BEAN1: variants seen among roughly 807,000 people sequenced by gnomAD.
The protein encoded by BEAN1 is brain expressed associated with NEDD4 1, also known as protein BEAN1.
In BEAN1, 17 loss-of-function variants were observed where a neutral mutation model predicts 17.7. The ratio of observed to expected loss-of-function variants is 0.96; its 90% CI spans 0.66 to 1.44. The LOEUF (loss-of-function observed/expected upper bound fraction) is 1.44, where lower values mean the gene tolerates loss of function less well. Among genes scored for constraint, BEAN1 ranks in the 40% most tolerant of loss-of-function variants. The probability of loss-of-function intolerance (pLI) is 0.00; values close to 1 mark genes in which losing one functional copy is unlikely to be tolerated. For synonymous variants in BEAN1, 142 were observed against 151.8 expected, an observed-to-expected ratio of 0.94 and a Z score of 0.47; for missense variants, 359 against 374.1, an observed-to-expected ratio of 0.96 and a Z score of 0.33.
downstream of BEAN1, chr16:66,484,600 G>T (rs1252428575): frequency 2.2e-6 from 1 of 454,124 alleles, no homozygotes; most frequent in Non-Finnish European, 4.4e-6. The surrounding 1 kb of genome is among the most constrained non-coding windows in gnomAD (Gnocchi z 4.2). Flanking sequence ...GGAGACAGGG[G>T]CCCCAGGGCC....
intron 3 of BEAN1, among the ~76,000 whole-genome samples, chr16:66,472,820 G>A (rs1963534082): frequency 6.6e-6 from 1 of 152,122 alleles, no homozygotes; most frequent in Non-Finnish European, 1.5e-5. Context: ...AGGAGTTTGA[G>A]ACCAGCCTGG....
chr16:66,468,718 C>T (rs1271374253), intron 2 of BEAN1, among the ~76,000 whole-genome samples: 3 of 152,212 alleles, frequency 2.0e-5, no homozygotes. Context: ...CACTCCAAGA[C>T]ACTCACTAAT....
intron 2 of BEAN1, among the ~76,000 whole-genome samples, chr16:66,457,145 C>T (rs1406409384): frequency 6.6e-6 from 1 of 152,106 alleles, no homozygotes; most frequent in African/African-American, 2.4e-5. Flanking sequence ...ATTTGTGTTC[C>T]CAGTGTCTAG....
intron 1 of BEAN1, among the ~76,000 whole-genome samples, chr16:66,437,357 TCCCCACCACC>T (rs1330804561): frequency 6.6e-6 from 1 of 151,830 alleles, no homozygotes; most frequent in Non-Finnish European, 1.5e-5. Context: ...AGATATCTCC[TCCCCACCACC>T]CCCCACCACT....
intron 2 of BEAN1, among the ~76,000 whole-genome samples, chr16:66,456,693 G>A (rs1962880203): frequency 6.6e-6 from 1 of 152,180 alleles, no homozygotes; most frequent in Admixed American, 6.5e-5. Flanking sequence ...TGCAGAAATA[G>A]GGAAAAGTAA....
At chr16:66,490,671 C>G (rs8049640) in intron 4 of BEAN1, among the ~76,000 whole-genome samples, 38,951 of 151,888 alleles carry the variant, frequency 0.26, 7,329 homozygotes, top group African/African-American at 0.52. Flanking sequence ...CTGCAGCCAG[C>G]AGCACTCAAG....
At chr16:66,440,123 CTTTTTTTTTTTTT>C (rs386384954) in intron 2 of BEAN1, among the ~76,000 whole-genome samples, 1 of 75,374 alleles carries the variant, frequency 1.3e-5, no homozygotes, top group African/African-American at 5.6e-5. Context: ...TTGGGTACTT[CTTTTTTTTTTTTT>C]TTTTTTTTTT....
chr16:66,454,725 C>G lies in BEAN1; in HGVS notation c.26-14877C>G, dbSNP rs986127195. Among the ~76,000 whole-genome samples the G allele has an allele frequency of 5.4e-3, 380 of 70,354 alleles. 3 individuals are homozygous for G. Among genetic ancestry groups the G allele is most frequent in the African/African-American group, 0.022 (369 of 16,420 alleles). 46.2% of individuals were successfully genotyped at this position (70,354 alleles called of 152,430 possible). On this transcript the variant is annotated intron_variant, in intron 2 of 4. Transcript: ENST00000536005. ...CCATGCATACATCTTCCTTTTCTTTCTTTCTTTTTTTTTTTTTTTTTTTTG... is the reference window on the plus strand; with the variant it reads ...CCATGCATACATCTTCCTTTTCTTTGTTTCTTTTTTTTTTTTTTTTTTTTG...
chr16:66,471,506 G>C lies in BEAN1; in HGVS notation c.289+1641G>C, dbSNP rs1963483057. Among the ~76,000 whole-genome samples, 1 of 152,238 alleles carries C rather than the reference G, an allele frequency of 6.6e-6. No homozygotes were observed. The highest frequency in any genetic ancestry group is 1.5e-5 in the Non-Finnish European group (1 of 68,034). On this transcript the variant is annotated intron_variant, in intron 3 of 4. Coordinates refer to ENST00000536005, the MANE Select transcript of BEAN1 (RefSeq NM_001178020.3). The surrounding 1 kb of genome is among the most constrained non-coding windows in gnomAD (Gnocchi z 4.7). ...CGTGGGCTCAAGGCAGTGTCCGGCA[G>C]ACACGTACATGGCCACAGTGGGTGT...
intron 2 of BEAN1, among the ~76,000 whole-genome samples, chr16:66,466,887 G>A (rs2142425944): frequency 6.6e-6 from 1 of 152,284 alleles, no homozygotes; most frequent in East Asian, 1.9e-4. Context: ...ACAAGTTTTA[G>A]TGTGATGTCA....
chr16:66,486,447 G>T (rs766435409), downstream of BEAN1, among the ~76,000 whole-genome samples: 37 of 152,258 alleles, frequency 2.4e-4, no homozygotes, highest in African/African-American at 7.0e-4. Flanking sequence ...TAGAGACGGG[G>T]TCTCACCATG....
downstream of BEAN1, among the ~76,000 whole-genome samples, chr16:66,487,525 G>A (rs1002930294): frequency 6.6e-6 from 1 of 152,156 alleles, no homozygotes; most frequent in African/African-American, 2.4e-5. Flanking sequence ...CTTGATGACA[G>A]TAAGTGCTGA....
rs578060862 is a variant in BEAN1 at position 66,445,653 on chromosome 16, G to A, written c.25+7952G>A. 5.1e-4 allele frequency among the ~76,000 whole-genome samples: 77 copies of A among 152,230 alleles called. No homozygotes were observed. In the East Asian group the frequency reaches 8.3e-3, roughly 16 times the overall value. Reference sequence around the variant, plus strand: ...GGCAGAGGATTCTGAATCAGGAGCAGGTTTGGCTTGATCCATCAACAGCAT... The same window carrying A: ...GGCAGAGGATTCTGAATCAGGAGCAAGTTTGGCTTGATCCATCAACAGCAT... On this transcript the variant is annotated intron_variant, in intron 2 of 4. Transcript: ENST00000536005.
chr16:66,492,807 C>T (rs893108016), intron 4 of BEAN1, among the ~76,000 whole-genome samples: 6 of 152,126 alleles, frequency 3.9e-5, no homozygotes, highest in African/African-American at 1.2e-4. Flanking sequence ...TGATCATGGG[C>T]CAGGCTTTCC....
chr16:66,490,843 T>A (rs1163935339), intron 4 of BEAN1, among the ~76,000 whole-genome samples: 1 of 152,208 alleles, frequency 6.6e-6, no homozygotes, highest in Non-Finnish European at 1.5e-5. Context: ...CCCTCCAATC[T>A]CAGCTTTTCA....
chr16:66,467,164 CA>C (rs1172366970), intron 2 of BEAN1, among the ~76,000 whole-genome samples: 2 of 152,174 alleles, frequency 1.3e-5, no homozygotes, highest in Non-Finnish European at 2.9e-5. Flanking sequence ...TCAAGGCTGA[CA>C]TGTTCTTACG....
intron 4 of BEAN1, among the ~76,000 whole-genome samples, chr16:66,490,366 C>A (rs1052538849): frequency 9.6e-6 from 1 of 104,312 alleles, no homozygotes; most frequent in Non-Finnish European, 2.2e-5. Context: ...CACTGCACTC[C>A]AGCCTGGGCA....
chr16:66,460,071 G>C lies in BEAN1; in HGVS notation c.26-9531G>C, dbSNP rs115379330. On this transcript the variant is annotated intron_variant, in intron 2 of 4. Transcript: ENST00000536005. ...CCCTGGTCCAATTCAAATGGCTCCT[G>C]AGCTTCCTCTCTGCACTGGCCCTGC... is the stretch of plus-strand genomic sequence containing the variant. 6.3e-3 allele frequency among the ~76,000 whole-genome samples: 953 copies of C among 152,330 alleles called. 10 individuals are homozygous for C. Among genetic ancestry groups the C allele is most frequent in the African/African-American group, 0.019 (797 of 41,564 alleles).
In BEAN1 at chr16:66,437,658, G is replaced by C. The variant is rs1962081435; in HGVS notation, c.-19G>C. ...TGCCCGTGGGCAGGCTGGCTCCGCT[G>C]TTCTGCTCCAAGGATTACATGTCCT... On this transcript the variant is annotated 5_prime_UTR_variant, in exon 2 of 5. Transcript: ENST00000536005. The C allele has an allele frequency of 7.8e-6, 12 of 1,535,806 alleles. No homozygotes were observed. In the South Asian group the frequency reaches 1.4e-4, roughly 18 times the overall value.
Sources: gnomAD v4.1 joint callset for allele counts (sites outside exome capture counted in the v4.1 genomes callset) on GRCh38, gnomAD v4.1.1 for gene constraint, Gnocchi (gnomAD v3.1) non-coding constraint, MANE v1.5 for transcripts, NCBI Gene and HGNC (gene_info 2026-07-23, HGNC 2026-07-21) for gene names.